SHOC2: variants seen among roughly 807,000 people sequenced by gnomAD.
The protein encoded by SHOC2 is SHOC2 leucine rich repeat scaffold protein.
In SHOC2, 4 loss-of-function variants were observed where a neutral mutation model predicts 50.2. The ratio of observed to expected loss-of-function variants is 0.08; its 90% CI spans 0.04 to 0.18. SHOC2 has a LOEUF of 0.18. Among genes scored for constraint, SHOC2 ranks in the 10% least tolerant of loss-of-function variants. SHOC2 has a pLI of 1.00. For missense variants in SHOC2, 388 were observed against 669.6 expected (o/e 0.58, Z 4.64); for synonymous variants, 218 against 244.5 (o/e 0.89, Z 1.01).
chr10:111,001,529 T>C (rs1431974933), intron 4 of SHOC2, among the ~76,000 whole-genome samples: 1 of 152,216 alleles, frequency 6.6e-6, no homozygotes, highest in Non-Finnish European at 1.5e-5. Flanking sequence ...TTTTCCCACC[T>C]ATTTTAGCAT....
chr10:110,962,034 T>G (rs1387429251), intron 1 of SHOC2, among the ~76,000 whole-genome samples: 1 of 152,100 alleles, frequency 6.6e-6, no homozygotes, highest in Non-Finnish European at 1.5e-5. Flanking sequence ...GGAATTTGTA[T>G]TTTTAAACAA....
intron 2 of SHOC2, among the ~76,000 whole-genome samples, chr10:110,967,608 T>C (rs1440025289): frequency 6.6e-6 from 1 of 152,206 alleles, no homozygotes; most frequent in Non-Finnish European, 1.5e-5. Flanking sequence ...TCTGAACCCT[T>C]AAGCAATCAC....
chr10:110,955,138 T>A (rs1590797479), intron 1 of SHOC2, among the ~76,000 whole-genome samples: 1 of 152,126 alleles, frequency 6.6e-6, no homozygotes, highest in Admixed American at 6.5e-5. Context: ...GGATAAAAAG[T>A]GCTTTGTTCA....
At chr10:111,001,096 A>ATTTTTTTT in intron 4 of SHOC2, among the ~76,000 whole-genome samples, 1 of 146,710 alleles carries the variant, frequency 6.8e-6, no homozygotes, top group Non-Finnish European at 1.5e-5. Context: ...GGTTTTGTTG[A>ATTTTTTTT]TTCTATTAGA....
At chr10:110,941,650 T>A (rs1847147652) in intron 1 of SHOC2, among the ~76,000 whole-genome samples, 1 of 152,218 alleles carries the variant, frequency 6.6e-6, no homozygotes, top group Non-Finnish European at 1.5e-5. Context: ...GTTCTTTTTA[T>A]GTTTAAATGT....
intron 4 of SHOC2, among the ~76,000 whole-genome samples, chr10:111,004,001 G>A (rs1297805120): frequency 2.0e-5 from 3 of 152,128 alleles, no homozygotes; most frequent in Non-Finnish European, 4.4e-5. Context: ...GGGGTTATGT[G>A]CTAAGTAAAT....
chr10:110,925,960 T>C (rs117700007), intron 1 of SHOC2, among the ~76,000 whole-genome samples: 1 of 152,216 alleles, frequency 6.6e-6, no homozygotes, highest in African/African-American at 2.4e-5. Flanking sequence ...CTTAAACATG[T>C]TGTTACACCT....
chr10:110,970,958 T>C (rs1010678582), intron 2 of SHOC2, among the ~76,000 whole-genome samples: 1 of 152,100 alleles, frequency 6.6e-6, no homozygotes, highest in Non-Finnish European at 1.5e-5. Context: ...TATATTAATC[T>C]ATTGTCAGAT....
At chr10:110,953,742 A>G (rs1725150550) in intron 1 of SHOC2, among the ~76,000 whole-genome samples, 1 of 151,724 alleles carries the variant, frequency 6.6e-6, no homozygotes. Context: ...ATATATATAT[A>G]TATATTTTGA....
At chr10:110,979,355 A>G (rs576144883) in intron 2 of SHOC2, among the ~76,000 whole-genome samples, 1 of 152,342 alleles carries the variant, frequency 6.6e-6, no homozygotes, top group Non-Finnish European at 1.5e-5. Flanking sequence ...TAACTGAATC[A>G]CAAATGTGAC....
At chr10:110,980,518 G>T (rs535848177) in intron 2 of SHOC2, among the ~76,000 whole-genome samples, 1 of 151,958 alleles carries the variant, frequency 6.6e-6, no homozygotes, top group Non-Finnish European at 1.5e-5. Flanking sequence ...ACTATTTCTC[G>T]TGGGCTAATT....
intron 1 of SHOC2, among the ~76,000 whole-genome samples, chr10:110,928,219 A>G (rs1041968517): frequency 6.6e-6 from 1 of 152,090 alleles, no homozygotes; most frequent in African/African-American, 2.4e-5. Context: ...TGGGAGGCTG[A>G]GGAAGGAGAA....
At chr10:110,996,222 G>A (rs1040984944) in intron 3 of SHOC2, among the ~76,000 whole-genome samples, 1 of 152,132 alleles carries the variant, frequency 6.6e-6, no homozygotes, top group Non-Finnish European at 1.5e-5. Flanking sequence ...ATAGGAAATA[G>A]GTTGTTTTTA....
intron 2 of SHOC2, among the ~76,000 whole-genome samples, chr10:110,981,876 T>TATTTTTTTATTGTACTC (rs1554859803): frequency 7.4e-6 from 1 of 135,412 alleles, no homozygotes; most frequent in Non-Finnish European, 1.6e-5. Flanking sequence ...ATTTATTTTT[T>TATTTTTTTATTGTACTC]TAAGTTTTAG....
chr10:110,949,496 T>G (rs1847309791), intron 1 of SHOC2, among the ~76,000 whole-genome samples: 1 of 152,054 alleles, frequency 6.6e-6, no homozygotes, highest in Admixed American at 6.6e-5. Context: ...ACTGGTGAAT[T>G]CCAACAAACC....
intron 1 of SHOC2, among the ~76,000 whole-genome samples, chr10:110,944,106 A>G (rs1364725378): frequency 6.6e-6 from 1 of 152,234 alleles, no homozygotes; most frequent in African/African-American, 2.4e-5. Context: ...TGACAAAAAC[A>G]TACCTTGGAA....
In SHOC2 at chr10:110,937,174, C is replaced by G. The variant is rs750121768; in HGVS notation, c.-235+17517C>G. On this transcript the variant is annotated intron_variant, in intron 1 of 8. Coordinates refer to ENST00000369452, the MANE Select transcript of SHOC2 (RefSeq NM_007373.4). ...GCAGTACCTGTTTAGCCACGATGGT[C>G]GCCAGGCGGCCCAGGAGATGGCCTC... 3 of 1,539,550 alleles carry G rather than the reference C, an allele frequency of 1.9e-6. No individual in the cohort carries two copies. In the African/African-American group the frequency reaches 4.1e-5, roughly 21 times the overall value.
intron 1 of SHOC2, among the ~76,000 whole-genome samples, chr10:110,953,239 A>C (rs986076559): frequency 1.3e-5 from 2 of 152,010 alleles, no homozygotes; most frequent in Non-Finnish European, 2.9e-5. Context: ...TTGTTTCCTT[A>C]CTTTTTAATA....
In SHOC2 at chr10:110,937,028, C is replaced by T. The variant is rs753746386; in HGVS notation, c.-235+17371C>T. On this transcript the variant is annotated intron_variant, in intron 1 of 8. Transcript: ENST00000369452. ...GCTGGGGGCCCGGAAGTGGTAGGGG[C>T]GTCGGAAAGGGTTGGTGTTCATCCG... 7 of 1,482,446 alleles carry T rather than the reference C, an allele frequency of 4.7e-6. No homozygotes were observed. In the Admixed American group the frequency reaches 5.0e-5, roughly 11 times the overall value. 91.8% of individuals were successfully genotyped at this position (1,482,446 alleles called of 1,614,324 possible).
Sources: gnomAD v4.1 joint callset for allele counts (sites outside exome capture counted in the v4.1 genomes callset) on GRCh38, gnomAD v4.1.1 for gene constraint, MANE v1.5 for transcripts, NCBI Gene and HGNC (gene_info 2026-07-23, HGNC 2026-07-21) for gene names.